Variants in EPS15L1 observed in about 807,000 individuals in gnomAD.
EPS15L1 encodes epidermal growth factor receptor substrate 15-like 1.
Under a neutral mutation model 117.1 loss-of-function variants are expected in EPS15L1, and 43 were observed. The ratio of observed to expected loss-of-function variants is 0.37; its 90% CI spans 0.29 to 0.47. The LOEUF (loss-of-function observed/expected upper bound fraction) is 0.47. Ranked by LOEUF, EPS15L1 falls within the 20% of genes least tolerant of loss-of-function variation. The probability of loss-of-function intolerance (pLI) is 0.99; values close to 1 mark genes in which losing one functional copy is unlikely to be tolerated. For missense variants in EPS15L1, 981 were observed against 1,164.0 expected (o/e 0.84, Z 2.29); for synonymous variants, 459 against 470.5 (o/e 0.98, Z 0.32).
At chr19:16,421,197 C>G (rs1252937925) in intron 10 of EPS15L1, 122 bp downstream of exon 10, 3 of 1,142,078 alleles carry the variant, frequency 2.6e-6, no homozygotes, top group Non-Finnish European at 3.7e-6. Context: ...ATAAAGGACG[C>G]CAGACACAGC....
chr19:16,366,560 T>C (rs974662909), intron 22 of EPS15L1, among the ~76,000 whole-genome samples: 3 of 152,100 alleles, frequency 2.0e-5, no homozygotes, highest in African/African-American at 7.2e-5. Context: ...GCCGAAACCG[T>C]TGTTATTTAG....
Position 16,404,530 on chromosome 19 carries a change from T to C in EPS15L1, c.1428+58A>G, listed in dbSNP as rs1462409298. The C allele has an allele frequency of 6.3e-7, 1 of 1,591,210 alleles. No individual in the cohort carries two copies. Among genetic ancestry groups the C allele is most frequent in the South Asian group, 1.1e-5 (1 of 90,366 alleles). On this transcript the variant is annotated intron_variant, in intron 14 of 23. Transcript: ENST00000455140. The surrounding 1 kb of genome is among the most constrained non-coding windows in gnomAD (Gnocchi z 4.2). Reference sequence around the variant, plus strand: ...CCCAGGTAACACGAGCTCAGGGGAGTCCTTGGGAAGCCCCTGCCTGTGCAT... The same window carrying C: ...CCCAGGTAACACGAGCTCAGGGGAGCCCTTGGGAAGCCCCTGCCTGTGCAT...
chr19:16,421,432 A>G lies in EPS15L1; in HGVS notation c.837T>C (p.Phe279=), dbSNP rs766019098. The change falls in exon 10 of 24, where the codon TTT becomes TTC. Residue 279 remains phenylalanine (F), a synonymous_variant. Coordinates refer to ENST00000455140, the MANE Select transcript of EPS15L1 (RefSeq NM_001258374.3). ...GGTCGGTCTTCAGGAATATCTCATC[A>G]AATCGCATCTTGTCTGCCACGGGCA... ...WVVPVADKMR[F]DEIFLKTDLD... The G allele has an allele frequency of 6.2e-7, 1 of 1,613,974 alleles. No homozygotes were observed. Among genetic ancestry groups the G allele is most frequent in the South Asian group, 1.1e-5 (1 of 91,084 alleles).
rs573195044 is a variant in EPS15L1, at chr19:16,427,961, T to TG, written c.558+740dup. The stretch of plus-strand genomic sequence containing the variant: ...GCTCACGCCTGTAATCCCAGCACTT[T>TG]GGGAGGCCAAGGCGGGTGGATCACT... On this transcript the variant is annotated intron_variant, in intron 8 of 23. Transcript: ENST00000455140. Among the ~76,000 whole-genome samples, 79 of 150,610 alleles carry TG rather than the reference T, an allele frequency of 5.2e-4. 3 individuals carry two copies. The South Asian group carries it at 0.015, about 29-fold the overall frequency.
At chr19:16,395,248 T>G in intron 17 of EPS15L1, 96 bp downstream of exon 17, 1 of 1,212,980 alleles carries the variant, frequency 8.2e-7, no homozygotes, top group Non-Finnish European at 1.1e-6. Context: ...CATTTCAGAT[T>G]GTGGCATGTC....
intron 1 of EPS15L1, among the ~76,000 whole-genome samples, chr19:16,454,680 C>T (rs2093178199): frequency 6.6e-6 from 1 of 152,186 alleles, no homozygotes; most frequent in South Asian, 2.1e-4. Flanking sequence ...GTAAGGCCTA[C>T]AGTCGCTGCC....
chr19:16,356,118 C>T (rs146779568), intron 23 of EPS15L1, among the ~76,000 whole-genome samples: 4 of 152,342 alleles, frequency 2.6e-5, no homozygotes, highest in East Asian at 1.9e-4. Flanking sequence ...AAACCAGCCA[C>T]CCCGCCCCAC....
Position 16,419,733 on chromosome 19 carries a change from A to G in EPS15L1, c.950+1586T>C, listed in dbSNP as rs1202679236. On this transcript the variant is annotated intron_variant, in intron 10 of 23. Transcript: ENST00000455140. Reference sequence around the variant, plus strand: ...AGCTGCGGAGAATGAGCAGATCTCAAAGAACATTGCTGATAAATGCCTAGT... The same window carrying G: ...AGCTGCGGAGAATGAGCAGATCTCAGAGAACATTGCTGATAAATGCCTAGT... 2.6e-5 allele frequency among the ~76,000 whole-genome samples: 4 copies of G among 152,258 alleles called. No homozygotes were observed. The South Asian group carries it at 8.3e-4, about 31-fold the overall frequency.
intron 1 of EPS15L1, among the ~76,000 whole-genome samples, chr19:16,461,451 A>C (rs955774965): frequency 6.6e-6 from 1 of 151,884 alleles, no homozygotes; most frequent in Non-Finnish European, 1.5e-5. Flanking sequence ...GAGAAACCCC[A>C]TCTCTACAAA....
chr19:16,421,870 A>T (rs953241715), intron 9 of EPS15L1, among the ~76,000 whole-genome samples: 1 of 152,144 alleles, frequency 6.6e-6, no homozygotes, highest in Non-Finnish European at 1.5e-5. Flanking sequence ...GCCACATGCC[A>T]GCCTCCCTGG....
At chr19:16,443,178 T>C (rs1162198100) in intron 1 of EPS15L1, among the ~76,000 whole-genome samples, 2 of 152,184 alleles carry the variant, frequency 1.3e-5, no homozygotes, top group Non-Finnish European at 2.9e-5. Context: ...CACCTAATTA[T>C]ACAGAATGGA....
chr19:16,467,306 G>A (rs536826665), intron 1 of EPS15L1, among the ~76,000 whole-genome samples: 2 of 151,884 alleles, frequency 1.3e-5, no homozygotes, highest in Non-Finnish European at 2.9e-5. Flanking sequence ...CCGCCAGGAC[G>A]CCAGGCTAAT....
chr19:16,372,549 C>T (rs375023286), intron 22 of EPS15L1, among the ~76,000 whole-genome samples: 2 of 152,166 alleles, frequency 1.3e-5, no homozygotes, highest in Non-Finnish European at 2.9e-5. Context: ...AAAAGATTTC[C>T]ACTAAACTGT....
At chr19:16,393,728 C>A (rs2092509068) in intron 18 of EPS15L1, among the ~76,000 whole-genome samples, 2 of 151,956 alleles carry the variant, frequency 1.3e-5, no homozygotes, top group Admixed American at 1.3e-4. Flanking sequence ...TGTGATCCCA[C>A]CACACTCCAG....
chr19:16,427,060 C>T (rs1230357378), intron 8 of EPS15L1, among the ~76,000 whole-genome samples: 2 of 151,868 alleles, frequency 1.3e-5, no homozygotes, highest in Non-Finnish European at 2.9e-5. Flanking sequence ...CTTCGTGCAG[C>T]AGTGGGAAGG....
At chr19:16,398,768 A>C (rs571851900) in intron 16 of EPS15L1, among the ~76,000 whole-genome samples, 37 of 152,156 alleles carry the variant, frequency 2.4e-4, no homozygotes, top group Admixed American at 2.2e-3. Flanking sequence ...TCCGCTTCTG[A>C]CCAGGGCAGG....
chr19:16,443,997 G>C (rs1487758948), intron 1 of EPS15L1, among the ~76,000 whole-genome samples: 4 of 147,020 alleles, frequency 2.7e-5, no homozygotes, highest in Non-Finnish European at 5.9e-5. Context: ...CCGGGAGGCA[G>C]AGATTGCAGT....
intron 1 of EPS15L1, among the ~76,000 whole-genome samples, chr19:16,455,180 C>T (rs1479917933): frequency 1.3e-5 from 2 of 151,998 alleles, no homozygotes; most frequent in Non-Finnish European, 1.5e-5. Flanking sequence ...TGCAGTGGCA[C>T]GACCATAGCT....
chr19:16,465,308 T>C lies in EPS15L1; in HGVS notation c.33+6605A>G, dbSNP rs144312760. ...GACCACCCGTGACCTGAGCCTCTGC[T>C]GTGGGCCGGGCCTGGACAACTCAAT... On this transcript the variant is annotated intron_variant, in intron 1 of 23. Coordinates refer to ENST00000455140, the MANE Select transcript of EPS15L1 (RefSeq NM_001258374.3). Among the ~76,000 whole-genome samples, 975 of 152,176 alleles carry C rather than the reference T, an allele frequency of 6.4e-3. 13 individuals carry two copies. Among genetic ancestry groups the C allele is most frequent in the African/African-American group, 0.022 (930 of 41,526 alleles).
Sources: gnomAD v4.1 joint callset for allele counts (sites outside exome capture counted in the v4.1 genomes callset) on GRCh38, gnomAD v4.1.1 for gene constraint, Gnocchi (gnomAD v3.1) non-coding constraint, MANE v1.5 for transcripts, NCBI Gene and HGNC (gene_info 2026-07-23, HGNC 2026-07-21) for gene names.